SLC12A7: variants seen among roughly 807,000 people sequenced by gnomAD.
SLC12A7 encodes the protein K-Cl cotransporter 4.
SLC12A7 carries 100 observed loss-of-function variants against 120.6 expected under a neutral mutation model. The observed-to-expected ratio is 0.83, with a 90% confidence interval of 0.71 to 0.98. The LOEUF (loss-of-function observed/expected upper bound fraction) is 0.98. Among genes scored for constraint, SLC12A7 ranks in the 50% least tolerant of loss-of-function variants. SLC12A7 has a pLI of 0.00. For synonymous variants in SLC12A7, 760 were observed against 678.0 expected, an observed-to-expected ratio of 1.12 and a Z score of -1.88; for missense variants, 1,373 against 1,548.1, an observed-to-expected ratio of 0.89 and a Z score of 1.90.
chr5:1,069,764 T>C (rs1432789658), intron 17 of SLC12A7, among the ~76,000 whole-genome samples: 2 of 152,180 alleles, frequency 1.3e-5, no homozygotes, highest in Admixed American at 6.5e-5. Flanking sequence ...CAGGCTTTCA[T>C]CGTGTCATCA....
chr5:1,090,504 C>T (rs989495203), intron 3 of SLC12A7, among the ~76,000 whole-genome samples: 1 of 152,160 alleles, frequency 6.6e-6, no homozygotes, highest in East Asian at 1.9e-4. Flanking sequence ...TTGGTGCAAA[C>T]GAGAGAAGCG....
chr5:1,123,914 C>T, the SLC12A7 span, among the ~76,000 whole-genome samples: 4 of 152,222 alleles, frequency 2.6e-5, no homozygotes, highest in African/African-American at 9.6e-5. Flanking sequence ...CTAATTGCCT[C>T]ATTGAAACCT....
the SLC12A7 span, among the ~76,000 whole-genome samples, chr5:1,124,102 C>T: frequency 6.6e-6 from 1 of 152,178 alleles, no homozygotes; most frequent in South Asian, 2.1e-4. Flanking sequence ...ACAGCAACCT[C>T]CATGGACCTC....
intron 18 of SLC12A7, among the ~76,000 whole-genome samples, chr5:1,064,645 G>A (rs1368827272): frequency 1.3e-5 from 2 of 152,100 alleles, no homozygotes; most frequent in Admixed American, 6.5e-5. Flanking sequence ...AGACAGAGGG[G>A]ACGGCGAGGA....
the SLC12A7 span, among the ~76,000 whole-genome samples, chr5:1,137,772 A>G: frequency 6.6e-6 from 1 of 152,196 alleles, no homozygotes; most frequent in Non-Finnish European, 1.5e-5. Context: ...CAGGTGCGTC[A>G]TCAGAACCCT....
chr5:1,127,579 G>A, the SLC12A7 span, among the ~76,000 whole-genome samples: 4 of 152,344 alleles, frequency 2.6e-5, no homozygotes, highest in Non-Finnish European at 4.4e-5. Flanking sequence ...ACAGCAGTCC[G>A]AGGAAACTGA....
intron 22 of SLC12A7, among the ~76,000 whole-genome samples, chr5:1,055,334 C>A (rs1735497600): frequency 6.6e-6 from 1 of 152,246 alleles, no homozygotes; most frequent in Non-Finnish European, 1.5e-5. Flanking sequence ...TGCACACAGG[C>A]AGGTACACGT....
the SLC12A7 span, among the ~76,000 whole-genome samples, chr5:1,120,579 C>T: frequency 6.6e-6 from 1 of 152,240 alleles, no homozygotes; most frequent in Non-Finnish European, 1.5e-5. Flanking sequence ...TCCATCACCA[C>T]CCAGAAACCC....
chr5:1,116,809 C>T (rs1268227883), upstream of SLC12A7, among the ~76,000 whole-genome samples: 1 of 151,946 alleles, frequency 6.6e-6, no homozygotes, highest in East Asian at 1.9e-4. Context: ...CGCCAGCTCT[C>T]GTTCCTGCTC....
Position 1,093,042 on chromosome 5 carries a change from CT to C in SLC12A7, c.342+490del, listed in dbSNP as rs1430807336. ...GGAAACCTTTCCCCACTGCACCCCC[CT>C]CGTTTCCTAGGACGGATTCCTGGAA... On this transcript the variant is annotated intron_variant, in intron 3 of 23. Coordinates refer to ENST00000264930, the MANE Select transcript of SLC12A7 (RefSeq NM_006598.3). Among the ~76,000 whole-genome samples the C allele has an allele frequency of 4.6e-5, 7 of 152,300 alleles. No individual in the cohort carries two copies. In the East Asian group the frequency reaches 1.4e-3, roughly 29 times the overall value.
chr5:1,135,338 C>T, the SLC12A7 span, among the ~76,000 whole-genome samples: 4 of 152,058 alleles, frequency 2.6e-5, no homozygotes, highest in African/African-American at 4.8e-5. Context: ...AAGTCAACCA[C>T]ACACAACCAC....
At chr5:1,146,382 G>A in the SLC12A7 span, among the ~76,000 whole-genome samples, 40 of 152,170 alleles carry the variant, frequency 2.6e-4, no homozygotes, top group Admixed American at 1.4e-3. This position sits in a 1 kb window ranked among gnomAD's most constrained non-coding sequence, Gnocchi z 6.5. Flanking sequence ...TGACCTGGCC[G>A]TGGAATGAAG....
chr5:1,069,950 G>A (rs1335510459), intron 17 of SLC12A7, among the ~76,000 whole-genome samples: 1 of 152,050 alleles, frequency 6.6e-6, no homozygotes, highest in Non-Finnish European at 1.5e-5. Flanking sequence ...ACAAAGCTCT[G>A]AGTGGGCAGA....
intron 17 of SLC12A7, among the ~76,000 whole-genome samples, chr5:1,069,582 CAT>C (rs113865216): frequency 1.5e-3 from 229 of 152,340 alleles, no homozygotes; most frequent in African/African-American, 4.9e-3. Context: ...CTCCCACACA[CAT>C]GAGGGGGAAG....
At chr5:1,130,593 CAG>C in the SLC12A7 span, among the ~76,000 whole-genome samples, 1 of 150,558 alleles carries the variant, frequency 6.6e-6, no homozygotes. Context: ...GCTGCCCGCG[CAG>C]GTCCCCTCAC....
chr5:1,097,612 C>A (rs751708033), intron 1 of SLC12A7, among the ~76,000 whole-genome samples: 1 of 152,192 alleles, frequency 6.6e-6, no homozygotes, highest in East Asian at 1.9e-4. Context: ...GTGGGGCCAG[C>A]GAGGCACGAC....
chr5:1,107,417 A>T (rs1433963264), intron 1 of SLC12A7, among the ~76,000 whole-genome samples: 1 of 152,204 alleles, frequency 6.6e-6, no homozygotes, highest in African/African-American at 2.4e-5. Flanking sequence ...TCCAAAGGGC[A>T]GAGGCCCTGA....
chr5:1,060,338 A>AC lies in SLC12A7; in HGVS notation c.2847+5dup, dbSNP rs1392594068. 3 of 1,609,134 alleles carry AC rather than the reference A, an allele frequency of 1.9e-6. No homozygotes were observed. The highest frequency in any genetic ancestry group is 8.5e-7 in the Non-Finnish European group (1 of 1,176,336). On this transcript the variant is annotated splice_donor_region_variant and intron_variant, in intron 21 of 23. Transcript: ENST00000264930. ...CCTGGTGTCTGTGGCCACGGCCCCC[A>AC]CGTACCTCTCGCTCCTGCTCGTTCT...
At chr5:1,119,481 T>C in the SLC12A7 span, among the ~76,000 whole-genome samples, 7,212 of 152,326 alleles carry the variant, frequency 0.047, 217 homozygotes, top group Middle Eastern at 0.13. Context: ...ACAAGCCCTT[T>C]GGAAAGCTCT....
Sources: allele counts gnomAD v4.1 joint callset (sites outside exome capture counted in the v4.1 genomes callset), GRCh38; gene constraint gnomAD v4.1.1; non-coding constraint Gnocchi (gnomAD v3.1); transcripts MANE v1.5; gene names NCBI Gene and HGNC (gene_info 2026-07-23, HGNC 2026-07-21).